The following PLEKHO2 variants were observed in gnomAD, a reference collection of about 807,000 sequenced individuals.
The protein encoded by PLEKHO2 is pleckstrin homology domain-containing family O member 2.
In PLEKHO2, 20 loss-of-function variants were observed where a neutral mutation model predicts 32.7. That is an observed-to-expected ratio of 0.61 (90% confidence interval 0.43 to 0.89). PLEKHO2 has a LOEUF of 0.89. PLEKHO2 is among the 40% of genes least tolerant of loss of function. The pLI is 0.00. For missense variants in PLEKHO2, 568 were observed against 621.2 expected (o/e 0.91, Z 0.91); for synonymous variants, 247 against 246.3 (o/e 1.00, Z -0.03).
At position 64,862,058 on chromosome 15, in the gene PLEKHO2, A is replaced by T. The variant is rs138751189; in HGVS notation, c.483+483A>T. ...CACTTGGTGGACTTGGAGTCAGGGG[A>T]TTCTCTGTGGAGGGAGTGCTGTGAG... On this transcript the variant is annotated intron_variant, in intron 5 of 5. Transcript: ENST00000323544. Among the ~76,000 whole-genome samples the T allele has an allele frequency of 5.9e-3, 904 of 152,166 alleles. 4 individuals carry two copies. Among genetic ancestry groups the T allele is most frequent in the Middle Eastern group, 0.027 (8 of 294 alleles).
intron 5 of PLEKHO2, among the ~76,000 whole-genome samples, chr15:64,862,934 C>T (rs1013672568): frequency 4.8e-5 from 7 of 146,940 alleles, no homozygotes; most frequent in East Asian, 4.5e-4. Context: ...CCTCTCCCCC[C>T]ACCTCTTTTT....
At chr15:64,855,881 C>T (rs1229109772) in intron 3 of PLEKHO2, among the ~76,000 whole-genome samples, 1 of 152,172 alleles carries the variant, frequency 6.6e-6, no homozygotes, top group Non-Finnish European at 1.5e-5. Flanking sequence ...TCTGGGCCTG[C>T]TGGAGGCCAT....
chr15:64,856,862 C>A (rs1366615729), intron 3 of PLEKHO2, among the ~76,000 whole-genome samples: 1 of 152,220 alleles, frequency 6.6e-6, no homozygotes. Flanking sequence ...TTCTCAGCAG[C>A]CTGGGTGTTC....
chr15:64,857,032 A>G (rs2084610627), intron 3 of PLEKHO2, among the ~76,000 whole-genome samples: 1 of 152,084 alleles, frequency 6.6e-6, no homozygotes, highest in Admixed American at 6.5e-5. Context: ...CCTGCCCATG[A>G]GGTCACAGGC....
chr15:64,858,366 A>G (rs2084620364), intron 3 of PLEKHO2, among the ~76,000 whole-genome samples: 1 of 151,972 alleles, frequency 6.6e-6, no homozygotes, highest in African/African-American at 2.4e-5. Context: ...ATAACTGGAG[A>G]GTGGAGGGAG....
Position 64,865,401 on chromosome 15 carries a change from A to G in PLEKHO2, c.986A>G (p.Gln329Arg), listed in dbSNP as rs760175179. Residue 329 changes from glutamine to arginine, a missense_variant, in exon 6 of 6, where the codon CAG (glutamine) becomes CGG (arginine). Transcript: ENST00000323544. ...EKLKASMGEM[Q>R]ASGPPAPGTV... is the part of the protein sequence containing the mutation. ...CTGAAAGCCTCCATGGGTGAGATGCAGGCTTCTGGGCCACCTGCTCCAGGC... is the reference window on the plus strand; with the variant it reads ...CTGAAAGCCTCCATGGGTGAGATGCGGGCTTCTGGGCCACCTGCTCCAGGC... 6.8e-6 allele frequency: 11 copies of G among 1,613,816 alleles called. No individual in the cohort carries two copies. The highest frequency in any genetic ancestry group is 9.3e-6 in the Non-Finnish European group (11 of 1,179,762).
At chr15:64,848,475 A>G in intron 1 of PLEKHO2, 118 bp from the exon 2 acceptor site, 2 of 1,176,546 alleles carry the variant, frequency 1.7e-6, no homozygotes, top group Non-Finnish European at 2.4e-6. Flanking sequence ...GGAAGCTCAC[A>G]TATTATGATG....
intron 1 of PLEKHO2, among the ~76,000 whole-genome samples, chr15:64,845,134 C>T (rs2084513299): frequency 6.6e-6 from 1 of 151,430 alleles, no homozygotes. Flanking sequence ...AACCAAGTTT[C>T]TTCTAGTCTC....
chr15:64,844,004 A>G (rs1247563671), intron 1 of PLEKHO2, among the ~76,000 whole-genome samples: 10 of 150,766 alleles, frequency 6.6e-5, no homozygotes, highest in Non-Finnish European at 1.5e-4. Flanking sequence ...TCCTTTCCCT[A>G]CTCCCCTTTG....
chr15:64,862,939 CTTTT>C (rs34879327), intron 5 of PLEKHO2, among the ~76,000 whole-genome samples: 1 of 120,090 alleles, frequency 8.3e-6, no homozygotes, highest in East Asian at 2.9e-4. Context: ...CCCCCCACCT[CTTTT>C]TTTTTTTTTT....
At chr15:64,842,119 G>A (rs957336482) in intron 1 of PLEKHO2, 91 bp downstream of exon 1, 5 of 1,117,476 alleles carry the variant, frequency 4.5e-6, no homozygotes, top group East Asian at 3.2e-5. Flanking sequence ...GTTCCTGCCC[G>A]CCCCACTCCC....
chr15:64,842,434 C>CTG (rs142414772), intron 1 of PLEKHO2, among the ~76,000 whole-genome samples: 50 of 139,704 alleles, frequency 3.6e-4, no homozygotes, highest in South Asian at 2.3e-3. Context: ...CGGATCCTGA[C>CTG]TGTGTGTGTG....
rs1370217774 is a variant in PLEKHO2 at position 64,842,382 on chromosome 15, C to CTGTGTGTGTG, written c.12+355_12+356insGTGTGTGTGT. Among the ~76,000 whole-genome samples the CTGTGTGTGTG allele has an allele frequency of 2.9e-4, 13 of 45,498 alleles. No individual in the cohort carries two copies. The East Asian group carries it at 0.043, about 152-fold the overall frequency. The allele number at this position is 45,498 out of a possible 152,430, so 29.8% of individuals were successfully genotyped here. On this transcript the variant is annotated intron_variant, in intron 1 of 5. Coordinates refer to ENST00000323544, the MANE Select transcript of PLEKHO2 (RefSeq NM_025201.5). Reference sequence around the variant, plus strand: ...TACCGTGGTCGGATCCTGACTCTCTCTCTCTCTCTGTGTGTGTGTGTGTGT... The same window carrying CTGTGTGTGTG: ...TACCGTGGTCGGATCCTGACTCTCTCTGTGTGTGTGTCTCTCTCTGTGTGTGTGTGTGTGT...
intron 3 of PLEKHO2, 32 bp downstream of exon 3, chr15:64,855,069 C>A: frequency 6.5e-7 from 1 of 1,529,746 alleles, no homozygotes. Flanking sequence ...CCCCATCTCC[C>A]TCTAGCCCAG....
At chr15:64,844,343 T>G (rs1477452478) in intron 1 of PLEKHO2, among the ~76,000 whole-genome samples, 1 of 152,206 alleles carries the variant, frequency 6.6e-6, no homozygotes, top group Non-Finnish European at 1.5e-5. Flanking sequence ...TCTGCCCACC[T>G]GTGTGCTCCT....
intron 1 of PLEKHO2, among the ~76,000 whole-genome samples, chr15:64,845,570 T>A (rs2084516038): frequency 6.6e-6 from 1 of 152,156 alleles, no homozygotes; most frequent in African/African-American, 2.4e-5. Context: ...TGGGTGGCTG[T>A]TTCTGTGGCT....
intron 2 of PLEKHO2, among the ~76,000 whole-genome samples, chr15:64,850,239 A>C (rs895705663): frequency 6.6e-6 from 1 of 152,116 alleles, no homozygotes; most frequent in African/African-American, 2.4e-5. Flanking sequence ...GACAAATTGC[A>C]ATAGTCCCAT....
In PLEKHO2 at chr15:64,866,526, C is replaced by A; in HGVS notation, c.*638C>A. 1 of 378,066 alleles carries A rather than the reference C, an allele frequency of 2.6e-6. No individual in the cohort carries two copies. The highest frequency in any genetic ancestry group is 1.9e-5 in the South Asian group (1 of 53,738). The allele number at this position is 378,066 out of a possible 1,614,324, so 23.4% of individuals were successfully genotyped here. ...GCTGTGTGGCCTCTCTCTCTTTGGC[C>A]CTGTTTCCTTTTTTGCAAAACAAGG... On this transcript the variant is annotated 3_prime_UTR_variant, in exon 6 of 6. Transcript: ENST00000323544.
In PLEKHO2 at chr15:64,844,682, G is replaced by A. The variant is rs375668024; in HGVS notation, c.12+2654G>A. On this transcript the variant is annotated intron_variant, in intron 1 of 5. Transcript: ENST00000323544. ...CTGTACTTTCTCTTTCTATAGTAAA[G>A]GGGTTGAGGGGGCAGGGGCTTTGAT... Among the ~76,000 whole-genome samples, 3 of 152,168 alleles carry A rather than the reference G, an allele frequency of 2.0e-5. No homozygotes were observed. In the East Asian group the frequency reaches 5.8e-4, roughly 29 times the overall value.
Sources: allele counts gnomAD v4.1 joint callset (sites outside exome capture counted in the v4.1 genomes callset), GRCh38; gene constraint gnomAD v4.1.1; transcripts MANE v1.5; gene names NCBI Gene and HGNC (gene_info 2026-07-23, HGNC 2026-07-21).